The following MAST2 variants were observed in gnomAD, a reference collection of about 807,000 sequenced individuals.
The protein encoded by MAST2 is microtubule-associated serine/threonine-protein kinase 2.
In MAST2, 70 loss-of-function variants were observed where a neutral mutation model predicts 147.4. The ratio of observed to expected loss-of-function variants is 0.47; its 90% CI spans 0.39 to 0.58. The LOEUF (loss-of-function observed/expected upper bound fraction) is 0.58, where lower values mean the gene tolerates loss of function less well. MAST2 is among the 20% of genes least tolerant of loss of function. The probability of loss-of-function intolerance (pLI) is 0.00; values close to 1 mark genes in which losing one functional copy is unlikely to be tolerated. For missense variants in MAST2, 2,080 were observed against 2,302.3 expected (o/e 0.90, Z 1.98); for synonymous variants, 869 against 896.8 (o/e 0.97, Z 0.55).
intron 5 of MAST2, among the ~76,000 whole-genome samples, chr1:45,994,274 CT>C (rs869216588): frequency 0.23 from 14,246 of 61,372 alleles, 568 homozygotes; most frequent in African/African-American, 0.29. Flanking sequence ...CCCTAACCCT[CT>C]TTTTTTTTTT....
At chr1:45,840,715 A>G (rs1645247005) in intron 3 of MAST2, among the ~76,000 whole-genome samples, 1 of 152,184 alleles carries the variant, frequency 6.6e-6, no homozygotes, top group Admixed American at 6.5e-5. Flanking sequence ...ACCTAACCTA[A>G]GAGTATACTC....
intron 4 of MAST2, chr1:45,913,821 G>A: frequency 8.3e-7 from 1 of 1,211,908 alleles, no homozygotes; most frequent in Non-Finnish European, 1.1e-6. Context: ...AACTTGAGTA[G>A]CCAGGAGAAT....
At chr1:45,934,582 C>G (rs1403191580) in intron 4 of MAST2, among the ~76,000 whole-genome samples, 1 of 152,194 alleles carries the variant, frequency 6.6e-6, no homozygotes, top group East Asian at 1.9e-4. Flanking sequence ...TGTGCCACCA[C>G]ACCCGACTAC....
intron 12 of MAST2, 97 bp downstream of exon 12, chr1:46,022,179 T>C (rs1323134519): frequency 1.4e-5 from 21 of 1,513,886 alleles, no homozygotes; most frequent in Non-Finnish European, 1.9e-5. Flanking sequence ...AGCTTGGACA[T>C]GGACACAACA....
rs746715559 is a variant in MAST2 at position 46,032,386 on chromosome 1, C to T, written c.3396C>T (p.Thr1132=). 6 of 1,614,196 alleles carry T rather than the reference C, an allele frequency of 3.7e-6. No homozygotes were observed. Among genetic ancestry groups the T allele is most frequent in the Non-Finnish European group, 5.1e-6 (6 of 1,180,028 alleles). ...RVYMGDSDVY[T]VHHMVWHVED... ...ACATGGGTGACTCCGATGTCTACAC[C>T]GTGCACCATATGGTGTGGGTATGTC... Residue 1132 remains threonine (T), a synonymous_variant, in exon 25 of 29, where the codon ACC becomes ACT. Coordinates refer to ENST00000361297, the MANE Select transcript of MAST2 (RefSeq NM_015112.3).
chr1:45,846,824 TAA>T (rs34512504), intron 3 of MAST2, among the ~76,000 whole-genome samples: 166 of 146,532 alleles, frequency 1.1e-3, no homozygotes, highest in Middle Eastern at 3.5e-3. Context: ...GACTCCGTCT[TAA>T]AAAAAAAAAA....
intron 4 of MAST2, among the ~76,000 whole-genome samples, chr1:45,951,554 A>G (rs901094113): frequency 6.6e-6 from 1 of 152,086 alleles, no homozygotes; most frequent in Non-Finnish European, 1.5e-5. Flanking sequence ...CTGCACTCCA[A>G]CCTGGGTGAC....
chr1:45,965,022 G>A (rs1660967791), intron 5 of MAST2, among the ~76,000 whole-genome samples: 1 of 152,042 alleles, frequency 6.6e-6, no homozygotes, highest in South Asian at 2.1e-4. Flanking sequence ...CATGTAGTTG[G>A]GCGATTTTGA....
intron 5 of MAST2, among the ~76,000 whole-genome samples, chr1:45,963,375 A>G (rs1557972059): frequency 1.3e-5 from 2 of 152,078 alleles, no homozygotes; most frequent in Non-Finnish European, 2.9e-5. Context: ...TTTTCACGAT[A>G]TTGATTCTTC....
chr1:45,847,562 G>A, intron 3 of MAST2: 1 of 811,974 alleles, frequency 1.2e-6, no homozygotes, highest in Non-Finnish European at 1.9e-6. Flanking sequence ...ATGGATGAAT[G>A]ACTTTTTTTC....
chr1:45,823,279 G>T (rs1644692491), intron 1 of MAST2, among the ~76,000 whole-genome samples: 1 of 149,110 alleles, frequency 6.7e-6, no homozygotes, highest in Non-Finnish European at 1.5e-5. Context: ...TATTGCTATG[G>T]TGCCAGTTAC....
intron 3 of MAST2, among the ~76,000 whole-genome samples, chr1:45,857,040 C>T (rs1645812550): frequency 1.3e-5 from 2 of 152,148 alleles, no homozygotes; most frequent in Non-Finnish European, 1.5e-5. Flanking sequence ...AACCCCTAAT[C>T]CTTCCCTGTT....
rs1570677051 is a variant in MAST2, at chr1:45,911,809, A to G, written c.500+29414A>G. Among the ~76,000 whole-genome samples, 3 of 149,460 alleles carry G rather than the reference A, an allele frequency of 2.0e-5. No individual in the cohort carries two copies. In the Admixed American group the frequency reaches 2.0e-4, roughly 10 times the overall value. Reference sequence around the variant, plus strand: ...TTAGAATAGAACCTAATAGTTAAGCACTTAATAAATGTTGGTTGCTGTTAT... The same window carrying G: ...TTAGAATAGAACCTAATAGTTAAGCGCTTAATAAATGTTGGTTGCTGTTAT... On this transcript the variant is annotated intron_variant, in intron 4 of 28. Transcript: ENST00000361297.
At chr1:45,870,943 A>G (rs1157710928) in intron 3 of MAST2, among the ~76,000 whole-genome samples, 2 of 151,930 alleles carry the variant, frequency 1.3e-5, no homozygotes, top group Non-Finnish European at 2.9e-5. Context: ...AATTAAAATA[A>G]CAACAACAAA....
At chr1:45,931,798 C>A (rs1031110923) in intron 4 of MAST2, among the ~76,000 whole-genome samples, 3 of 151,968 alleles carry the variant, frequency 2.0e-5, no homozygotes, top group Non-Finnish European at 4.4e-5. Flanking sequence ...CCAGTCCCAC[C>A]CCAGCCTCTT....
intron 6 of MAST2, 75 bp downstream of exon 6, chr1:45,997,874 C>G: frequency 8.2e-7 from 1 of 1,218,554 alleles, no homozygotes; most frequent in Non-Finnish European, 1.2e-6. Flanking sequence ...TGTCAGATTC[C>G]TCCTTTAAGT....
Position 45,995,351 on chromosome 1 carries a change from C to T in MAST2, c.593-2373C>T, listed in dbSNP as rs568608203. Among the ~76,000 whole-genome samples, 57 of 152,234 alleles carry T rather than the reference C, an allele frequency of 3.7e-4. 1 individual carries two copies. In the South Asian group the frequency reaches 9.5e-3, roughly 25 times the overall value. The stretch of plus-strand genomic sequence containing the variant: ...GGGTATTCTTTGATGTACTTCTCTT[C>T]TTCTTTCTCATGTTTGGGATTCTTA... On this transcript the variant is annotated intron_variant, in intron 5 of 28. Coordinates refer to ENST00000361297, the MANE Select transcript of MAST2 (RefSeq NM_015112.3).
chr1:45,808,879 A>G (rs1448066586), intron 1 of MAST2, among the ~76,000 whole-genome samples: 1 of 152,106 alleles, frequency 6.6e-6, no homozygotes, highest in African/African-American at 2.4e-5. Flanking sequence ...TTCAAGATCT[A>G]CTTGATACTT....
chr1:45,941,910 A>G (rs1392388133), intron 4 of MAST2, among the ~76,000 whole-genome samples: 1 of 152,244 alleles, frequency 6.6e-6, no homozygotes, highest in Non-Finnish European at 1.5e-5. Context: ...GGAGAGTAAT[A>G]CATTCGCTAC....
Sources: gnomAD v4.1 joint callset for allele counts (sites outside exome capture counted in the v4.1 genomes callset) on GRCh38, gnomAD v4.1.1 for gene constraint, MANE v1.5 for transcripts, NCBI Gene and HGNC (gene_info 2026-07-23, HGNC 2026-07-21) for gene names.